SLC35F4: variants seen among roughly 807,000 people sequenced by gnomAD.
The protein encoded by SLC35F4 is chromosome 14 open reading frame 36.
SLC35F4 carries 24 observed loss-of-function variants against 44.2 expected under a neutral mutation model. The ratio of observed to expected loss-of-function variants is 0.54; its 90% confidence interval spans 0.39 to 0.76. The LOEUF (loss-of-function observed/expected upper bound fraction) is 0.76. Among genes scored for constraint, SLC35F4 ranks in the 30% least tolerant of loss-of-function variants. SLC35F4 has a pLI of 0.00. For missense variants in SLC35F4, 562 were observed against 586.1 expected (o/e 0.96, Z 0.42); for synonymous variants, 238 against 223.6 (o/e 1.06, Z -0.57).
chr14:57,614,822 C>T (rs1025613430), intron 1 of SLC35F4, among the ~76,000 whole-genome samples: 4 of 152,126 alleles, frequency 2.6e-5, no homozygotes, highest in Non-Finnish European at 5.9e-5. Flanking sequence ...TAGCTTGGTT[C>T]CTGCTCTAAA....
chr14:57,778,046 A>T (rs1236386267), intron 1 of SLC35F4, among the ~76,000 whole-genome samples: 1 of 152,210 alleles, frequency 6.6e-6, no homozygotes, highest in Non-Finnish European at 1.5e-5. Flanking sequence ...GAGGTGATTG[A>T]ACTATGGGGA....
chr14:57,738,733 T>C (rs2140500855), intron 1 of SLC35F4, among the ~76,000 whole-genome samples: 1 of 139,086 alleles, frequency 7.2e-6, no homozygotes, highest in East Asian at 2.1e-4. Flanking sequence ...CTTTATTTCA[T>C]AATATTTGAA....
chr14:57,626,385 A>G (rs2072475893), intron 1 of SLC35F4, among the ~76,000 whole-genome samples: 1 of 149,756 alleles, frequency 6.7e-6, no homozygotes, highest in African/African-American at 2.4e-5. Flanking sequence ...AAAAAAAAAA[A>G]TTCAGTCATA....
chr14:57,654,292 C>A (rs531468536), intron 1 of SLC35F4, among the ~76,000 whole-genome samples: 2 of 152,052 alleles, frequency 1.3e-5, no homozygotes, highest in Non-Finnish European at 2.9e-5. Flanking sequence ...CATTCTTATG[C>A]CTTTGCGTCC....
chr14:57,920,060 A>G (rs138240508), intron 1 of SLC35F4, among the ~76,000 whole-genome samples: 189 of 152,332 alleles, frequency 1.2e-3, no homozygotes, highest in African/African-American at 4.4e-3. Flanking sequence ...TGAGATGGAT[A>G]GAGACACAAT....
At chr14:57,661,053 T>A (rs1359123184) in intron 1 of SLC35F4, among the ~76,000 whole-genome samples, 1 of 152,176 alleles carries the variant, frequency 6.6e-6, no homozygotes, top group African/African-American at 2.4e-5. Flanking sequence ...GACAATAGTT[T>A]CACACAAAAT....
chr14:57,806,393 A>C (rs1475691242), intron 1 of SLC35F4, among the ~76,000 whole-genome samples: 19 of 152,154 alleles, frequency 1.2e-4, no homozygotes, highest in Admixed American at 1.2e-3. Context: ...AAACCAAGGA[A>C]ATTTTGACAT....
rs1179008621 is a variant in SLC35F4 at position 57,820,537 on chromosome 14, A to G, written c.103+45186T>C. Among the ~76,000 whole-genome samples, 4 of 152,220 alleles carry G rather than the reference A, an allele frequency of 2.6e-5. 1 individual carries two copies. The highest frequency in any genetic ancestry group is 9.6e-5 in the African/African-American group (4 of 41,458). On this transcript the variant is annotated intron_variant, in intron 1 of 7. Transcript: ENST00000556826. ...GTAACTCAAAAGCTATATATGTCTC[A>G]GTAATTAATGTTTTCTTCTTAACTT...
At chr14:57,941,858 C>T (rs75676105) in intron 1 of SLC35F4, among the ~76,000 whole-genome samples, 14,655 of 152,098 alleles carry the variant, frequency 0.096, 784 homozygotes, top group Middle Eastern at 0.18. Context: ...TTAACAAATA[C>T]CTGTAGAATG....
chr14:57,802,420 C>T (rs188818793), intron 1 of SLC35F4, among the ~76,000 whole-genome samples: 4 of 150,802 alleles, frequency 2.7e-5, no homozygotes, highest in Admixed American at 2.6e-4. Context: ...ACTAGAGAAC[C>T]GAGAGCAAAA....
intron 1 of SLC35F4, among the ~76,000 whole-genome samples, chr14:57,613,563 T>C (rs528463034): frequency 6.6e-6 from 1 of 152,354 alleles, no homozygotes; most frequent in African/African-American, 2.4e-5. Flanking sequence ...TAAGAGGTAT[T>C]TCTAAGGCAG....
chr14:57,907,539 A>T (rs1336275207), intron 1 of SLC35F4, among the ~76,000 whole-genome samples: 1 of 152,188 alleles, frequency 6.6e-6, no homozygotes, highest in Non-Finnish European at 1.5e-5. Context: ...AATTCCAAAA[A>T]CATGGGTTAA....
intron 1 of SLC35F4, among the ~76,000 whole-genome samples, chr14:57,788,765 G>A (rs754179293): frequency 6.6e-6 from 1 of 152,088 alleles, no homozygotes; most frequent in Non-Finnish European, 1.5e-5. Context: ...ATAATTGGAA[G>A]TCAAACGCTC....
intron 1 of SLC35F4, among the ~76,000 whole-genome samples, chr14:57,651,829 G>C (rs1421794382): frequency 6.6e-6 from 1 of 152,168 alleles, no homozygotes; most frequent in Non-Finnish European, 1.5e-5. Context: ...AGTGAGAAAA[G>C]TTTATCCTCC....
chr14:57,713,907 C>A (rs1430777059), intron 1 of SLC35F4, among the ~76,000 whole-genome samples: 1 of 152,146 alleles, frequency 6.6e-6, no homozygotes, highest in Non-Finnish European at 1.5e-5. Context: ...AGCCCTACCT[C>A]CCCCACCCCC....
At chr14:57,582,083 C>T (rs774246575) in intron 3 of SLC35F4, among the ~76,000 whole-genome samples, 10 of 152,108 alleles carry the variant, frequency 6.6e-5, no homozygotes, top group Non-Finnish European at 1.3e-4. Flanking sequence ...TGTCTAAATT[C>T]GGTGTGAGAA....
At chr14:57,632,987 G>A (rs2072856165) in intron 1 of SLC35F4, among the ~76,000 whole-genome samples, 1 of 152,042 alleles carries the variant, frequency 6.6e-6, no homozygotes, top group Non-Finnish European at 1.5e-5. Flanking sequence ...GACTCATGCA[G>A]TATATAGACT....
At chr14:57,751,552 G>A (rs948045246) in intron 1 of SLC35F4, among the ~76,000 whole-genome samples, 15 of 152,180 alleles carry the variant, frequency 9.9e-5, no homozygotes, top group Non-Finnish European at 1.8e-4. Context: ...AGGCAACAAC[G>A]AAACACGTCG....
At chr14:57,577,511 G>A (rs957027512) in intron 4 of SLC35F4, among the ~76,000 whole-genome samples, 1 of 152,008 alleles carries the variant, frequency 6.6e-6, no homozygotes, top group African/African-American at 2.4e-5. Flanking sequence ...AGAAAAATTT[G>A]AATGAATAGT....
Sources: allele counts gnomAD v4.1 joint callset (sites outside exome capture counted in the v4.1 genomes callset), GRCh38; gene constraint gnomAD v4.1.1; transcripts MANE v1.5; gene names NCBI Gene and HGNC (gene_info 2026-07-23, HGNC 2026-07-21).